The following PHEX variants were observed in gnomAD, a reference collection of about 807,000 sequenced individuals.
PHEX encodes phosphate-regulating neutral endopeptidase PHEX.
In PHEX, 16 loss-of-function variants were observed where a neutral mutation model predicts 68.0. The ratio of observed to expected loss-of-function variants is 0.24; its 90% CI spans 0.16 to 0.36. The LOEUF (loss-of-function observed/expected upper bound fraction) is 0.36, where lower values mean the gene tolerates loss of function less well. Among genes scored for constraint, PHEX ranks in the 10% least tolerant of loss-of-function variants. The probability of loss-of-function intolerance (pLI) is 1.00; values close to 1 mark genes in which losing one functional copy is unlikely to be tolerated. For missense variants in PHEX, 480 were observed against 575.5 expected (o/e 0.83, Z 1.70); for synonymous variants, 208 against 205.1 (o/e 1.01, Z -0.12).
At chrX:22,145,585 C>T (rs751962206) in intron 12 of PHEX, among the ~76,000 whole-genome samples, 1 of 105,394 alleles carries the variant, frequency 9.5e-6, no homozygotes, top group Non-Finnish European at 1.9e-5. Context: ...CACTGCACTC[C>T]AGCCTGGGTG....
chrX:22,216,430 C>A (rs1469914028), intron 16 of PHEX, among the ~76,000 whole-genome samples: 2 of 111,892 alleles, frequency 1.8e-5, no homozygotes, highest in Admixed American at 1.9e-4. Flanking sequence ...TGCAAGAAAT[C>A]TTCCAGTTTC....
Position 22,227,735 on chromosome X carries a change from CTTGA to C in PHEX, c.2070+127_2070+130del, listed in dbSNP as rs1400457778. 9.7e-6 allele frequency: 5 copies of C among 513,884 alleles called. No individual in the cohort carries two copies. In the East Asian group the frequency reaches 1.8e-4, roughly 19 times the overall value. The allele number at this position is 513,884 out of a possible 1,213,427, so 42.3% of individuals were successfully genotyped here. A position where few individuals can be genotyped will look rare whatever the true frequency, so the allele number is the denominator to read the frequency against. On this transcript the variant is annotated intron_variant, in intron 20 of 21. Transcript: ENST00000379374. The stretch of plus-strand genomic sequence containing the variant: ...CTTTGATTTTCAGCAAAAATGTTAT[CTTGA>C]TTATTTTCAGGGTAAATCTCATCTT...
chrX:22,239,994 G>T (rs1345329306), intron 20 of PHEX, among the ~76,000 whole-genome samples: 1 of 111,911 alleles, frequency 8.9e-6, no homozygotes, highest in African/African-American at 3.2e-5. Context: ...CAGAGAGAAA[G>T]GTCGGGTTAC....
chrX:22,166,107 C>T, intron 12 of PHEX, among the ~76,000 whole-genome samples: 1 of 111,987 alleles, frequency 8.9e-6, no homozygotes, highest in Non-Finnish European at 1.9e-5. Context: ...TTATAAAACA[C>T]AGAGGATAAT....
chrX:22,093,164 A>G (rs1929978127), intron 6 of PHEX, among the ~76,000 whole-genome samples: 1 of 112,433 alleles, frequency 8.9e-6, no homozygotes, highest in African/African-American at 3.2e-5. Flanking sequence ...AGAATAGCTT[A>G]CAGAGTCAAG....
intron 9 of PHEX, among the ~76,000 whole-genome samples, chrX:22,104,852 G>T (rs141787046): frequency 9.2e-6 from 1 of 108,892 alleles, no homozygotes; most frequent in Non-Finnish European, 1.9e-5. Context: ...GATCATCTGC[G>T]CCAGGACTGT....
At chrX:22,229,092 T>G (rs752726321) in intron 20 of PHEX, among the ~76,000 whole-genome samples, 3 of 112,200 alleles carry the variant, frequency 2.7e-5, no homozygotes, top group African/African-American at 9.7e-5. Context: ...CAGTATGCCA[T>G]GGTGTATATG....
chrX:22,135,428 C>T (rs768408943), intron 12 of PHEX, among the ~76,000 whole-genome samples: 2 of 112,293 alleles, frequency 1.8e-5, no homozygotes, highest in South Asian at 7.4e-4. Flanking sequence ...CGCCTGACCC[C>T]ACATGAACCG....
At chrX:22,109,530 G>A (rs1018259760) in intron 9 of PHEX, among the ~76,000 whole-genome samples, 6 of 111,722 alleles carry the variant, frequency 5.4e-5, no homozygotes, top group African/African-American at 2.0e-4. Flanking sequence ...TAGTAGGAGC[G>A]CATGTCCACT....
At chrX:22,235,833 AT>A (rs368174072) in intron 20 of PHEX, among the ~76,000 whole-genome samples, 404 of 105,472 alleles carry the variant, frequency 3.8e-3, no homozygotes, top group African/African-American at 0.011. Flanking sequence ...TGACTTCAGC[AT>A]TTTTTTTTTT....
At chrX:22,197,702 G>T (rs901030397) in intron 15 of PHEX, among the ~76,000 whole-genome samples, 2 of 111,579 alleles carry the variant, frequency 1.8e-5, no homozygotes, top group African/African-American at 6.5e-5. Flanking sequence ...TAGCAACTAT[G>T]TCTGGGGATG....
intron 11 of PHEX, among the ~76,000 whole-genome samples, chrX:22,130,966 C>T (rs1209683727): frequency 9.0e-6 from 1 of 111,332 alleles, no homozygotes; most frequent in Non-Finnish European, 1.9e-5. Flanking sequence ...GGCTGGACCT[C>T]AGAACAATGA....
At chrX:22,064,531 T>G (rs1306662200) in intron 3 of PHEX, among the ~76,000 whole-genome samples, 1 of 111,926 alleles carries the variant, frequency 8.9e-6, no homozygotes, top group East Asian at 2.8e-4. Flanking sequence ...CCACGTTTTC[T>G]TTATGTAGTT....
chrX:22,121,461 G>C (rs757295717), intron 11 of PHEX, among the ~76,000 whole-genome samples: 60 of 111,683 alleles, frequency 5.4e-4, no homozygotes, highest in Middle Eastern at 9.2e-3. Context: ...AGGACAGGAT[G>C]GGGGTGGGAG....
intron 5 of PHEX, among the ~76,000 whole-genome samples, chrX:22,084,955 T>G (rs1278146299): frequency 1.8e-5 from 2 of 111,471 alleles, no homozygotes; most frequent in African/African-American, 6.5e-5. Context: ...TCATTAATTT[T>G]TTTTGGTGTT....
chrX:22,190,647 A>G, intron 15 of PHEX, 145 bp downstream of exon 15: 1 of 523,726 alleles, frequency 1.9e-6, no homozygotes, highest in Non-Finnish European at 3.5e-6. Context: ...TCCTACCTAT[A>G]TGCCAAATTT....
chrX:22,112,750 A>C (rs1373683601), intron 10 of PHEX, among the ~76,000 whole-genome samples: 1 of 110,006 alleles, frequency 9.1e-6, no homozygotes, highest in Non-Finnish European at 1.9e-5. Context: ...AAAAAATACA[A>C]AAATTAGCCG....
intron 3 of PHEX, among the ~76,000 whole-genome samples, chrX:22,060,277 G>A (rs1928304783): frequency 8.9e-6 from 1 of 111,850 alleles, no homozygotes; most frequent in African/African-American, 3.3e-5. Flanking sequence ...ACTACATGGT[G>A]TACAACAGAG....
chrX:22,044,655 G>C (rs1276103013), intron 2 of PHEX, among the ~76,000 whole-genome samples: 5 of 109,835 alleles, frequency 4.6e-5, no homozygotes, highest in African/African-American at 1.7e-4. Flanking sequence ...AGAATTTGCA[G>C]TGAGCTGAGA....
Sources: allele counts gnomAD v4.1 joint callset (sites outside exome capture counted in the v4.1 genomes callset), GRCh38; gene constraint gnomAD v4.1.1; transcripts MANE v1.5; gene names NCBI Gene and HGNC (gene_info 2026-07-23, HGNC 2026-07-21).